RORA: variants seen among roughly 807,000 people sequenced by gnomAD.
The protein encoded by RORA is nuclear receptor ROR-alpha.
RORA carries 7 observed loss-of-function variants against 69.5 expected under a neutral mutation model. That is an observed-to-expected ratio of 0.10 (90% CI 0.06 to 0.19). The LOEUF is 0.19. Ranked by LOEUF, RORA falls within the 10% of genes least tolerant of loss-of-function variation. RORA has a pLI of 1.00. For synonymous variants in RORA, 261 were observed against 240.8 expected (o/e 1.08, Z -0.78); for missense variants, 457 against 663.0 (o/e 0.69, Z 3.41).
chr15:60,600,692 A>G (rs912590699), intron 2 of RORA, among the ~76,000 whole-genome samples: 1 of 152,190 alleles, frequency 6.6e-6, no homozygotes, highest in Non-Finnish European at 1.5e-5. Context: ...ATTTTGTAAG[A>G]TGGAGGTAGA....
At chr15:61,112,586 C>T (rs1401838854) in intron 1 of RORA, among the ~76,000 whole-genome samples, 1 of 152,182 alleles carries the variant, frequency 6.6e-6, no homozygotes, top group Non-Finnish European at 1.5e-5. Flanking sequence ...GCGTATTTAA[C>T]GCTCTGTGAA....
At chr15:60,746,175 A>G (rs2071645829) in intron 1 of RORA, among the ~76,000 whole-genome samples, 1 of 152,230 alleles carries the variant, frequency 6.6e-6, no homozygotes, top group African/African-American at 2.4e-5. Context: ...TTAAAATCCA[A>G]AAGTCAGAGT....
chr15:60,877,815 T>C (rs1449233659), intron 1 of RORA, among the ~76,000 whole-genome samples: 2 of 152,208 alleles, frequency 1.3e-5, no homozygotes, highest in African/African-American at 2.4e-5. Context: ...TATGGAATTA[T>C]GTCTGAATAT....
At chr15:60,976,266 G>A (rs1353709757) in intron 1 of RORA, among the ~76,000 whole-genome samples, 2 of 152,180 alleles carry the variant, frequency 1.3e-5, no homozygotes, top group African/African-American at 4.8e-5. Flanking sequence ...GACTCAATGC[G>A]TGTAACCCTT....
At chr15:60,753,623 C>T (rs531308237) in intron 1 of RORA, among the ~76,000 whole-genome samples, 4 of 152,316 alleles carry the variant, frequency 2.6e-5, no homozygotes, top group Admixed American at 1.3e-4. Flanking sequence ...AATAACACTA[C>T]GCCAAATCAC....
In RORA at chr15:60,714,556, G is replaced by A. The variant is rs149275161; in HGVS notation, c.167-35870C>T. Among the ~76,000 whole-genome samples, 640 of 150,866 alleles carry A rather than the reference G, an allele frequency of 4.2e-3. 3 individuals carry two copies. Among genetic ancestry groups the A allele is most frequent in the African/African-American group, 0.015 (625 of 41,022 alleles). ...ATTTTTGTATTTTTAGTAGAGATGG[G>A]GTTTCACCATATTGGCCAGGCTGGT... On this transcript the variant is annotated intron_variant, in intron 1 of 10. Transcript: ENST00000335670.
intron 1 of RORA, among the ~76,000 whole-genome samples, chr15:60,950,982 A>G (rs1198686645): frequency 6.6e-6 from 1 of 150,844 alleles, no homozygotes; most frequent in Non-Finnish European, 1.5e-5. Flanking sequence ...TCAACAGAAT[A>G]TACATTTTTT....
At chr15:60,684,789 A>G (rs2070714634) in intron 1 of RORA, among the ~76,000 whole-genome samples, 1 of 152,180 alleles carries the variant, frequency 6.6e-6, no homozygotes, top group Non-Finnish European at 1.5e-5. Flanking sequence ...AGGCTTGCAC[A>G]TTGACTCCTC....
chr15:61,099,549 T>C (rs1026346978), intron 1 of RORA, among the ~76,000 whole-genome samples: 1 of 152,236 alleles, frequency 6.6e-6, no homozygotes. Flanking sequence ...ATTAGACTGC[T>C]GACCAGACAC....
chr15:60,747,222 G>A (rs1241309569), intron 1 of RORA, among the ~76,000 whole-genome samples: 2 of 152,166 alleles, frequency 1.3e-5, no homozygotes, highest in African/African-American at 4.8e-5. Context: ...ATCCTTAAGG[G>A]AGAGTTCAAA....
intron 1 of RORA, among the ~76,000 whole-genome samples, chr15:61,133,621 A>C (rs988737782): frequency 6.6e-6 from 1 of 152,200 alleles, no homozygotes; most frequent in African/African-American, 2.4e-5. Flanking sequence ...CCAGACAGAC[A>C]AAAGTTTTGT....
In RORA at chr15:60,595,585, A is replaced by G. The variant is rs541355474; in HGVS notation, c.197-63734T>C. ...AAAATGCAATAAATATGTAGGAATAATCGTTTGGATTTTATTAAATAAATG... is the reference window on the plus strand; with the variant it reads ...AAAATGCAATAAATATGTAGGAATAGTCGTTTGGATTTTATTAAATAAATG... On this transcript the variant is annotated intron_variant, in intron 2 of 10. Coordinates refer to ENST00000335670, the MANE Select transcript of RORA (RefSeq NM_134261.3). Among the ~76,000 whole-genome samples, 14 of 152,202 alleles carry G rather than the reference A, an allele frequency of 9.2e-5. No individual in the cohort carries two copies. In the East Asian group the frequency reaches 2.7e-3, roughly 29 times the overall value.
chr15:60,851,614 C>G (rs1201607491), intron 1 of RORA, among the ~76,000 whole-genome samples: 1 of 152,144 alleles, frequency 6.6e-6, no homozygotes, highest in African/African-American at 2.4e-5. Context: ...AACCTTGGCA[C>G]TTGCTTCCTT....
chr15:61,154,202 T>C (rs909872287), intron 1 of RORA, among the ~76,000 whole-genome samples: 13 of 152,032 alleles, frequency 8.6e-5, no homozygotes, highest in African/African-American at 2.7e-4. Flanking sequence ...CTCTTTGGGG[T>C]CTTTGACTGA....
intron 1 of RORA, among the ~76,000 whole-genome samples, chr15:60,993,689 T>C (rs995506167): frequency 1.3e-5 from 2 of 150,454 alleles, no homozygotes; most frequent in African/African-American, 2.4e-5. Flanking sequence ...ACCTTAAATG[T>C]TGTAGATACA....
rs1028482874 is a variant in RORA at position 61,095,022 on chromosome 15, A to G, written c.166+134031T>C. ...CAACCTGGTTTCTTCAGTGTTCAGG[A>G]CAGTGCCTGGAATATCATGGGGACT... On this transcript the variant is annotated intron_variant, in intron 1 of 10. Coordinates refer to ENST00000335670, the MANE Select transcript of RORA (RefSeq NM_134261.3). Among the ~76,000 whole-genome samples the G allele has an allele frequency of 2.0e-5, 3 of 152,230 alleles. No individual in the cohort carries two copies. The East Asian group carries it at 5.8e-4, about 29-fold the overall frequency.
Position 60,511,130 on chromosome 15 carries a change from T to C in RORA, c.820+96A>G, listed in dbSNP as rs971168048. On this transcript the variant is annotated intron_variant, in intron 5 of 10. Coordinates refer to ENST00000335670, the MANE Select transcript of RORA (RefSeq NM_134261.3). The surrounding 1 kb of genome is among the most constrained non-coding windows in gnomAD (Gnocchi z 6.4). ...GCCCAAATGGTAAAGGTGAATTGCA[T>C]CATTTAGCAGAACTCATTAGAGGAA... 7.5e-7 allele frequency: 1 copy of C among 1,335,556 alleles called. No homozygotes were observed. The highest frequency in any genetic ancestry group is 1.0e-6 in the Non-Finnish European group (1 of 973,756). 82.7% of individuals were successfully genotyped at this position (1,335,556 alleles called of 1,614,324 possible).
chr15:60,622,663 A>G (rs555904157), intron 2 of RORA, among the ~76,000 whole-genome samples: 1 of 152,300 alleles, frequency 6.6e-6, no homozygotes, highest in East Asian at 1.9e-4. Flanking sequence ...CAAGATACCA[A>G]TGCCTTTTAT....
At chr15:60,695,716 G>A (rs1043304000) in intron 1 of RORA, among the ~76,000 whole-genome samples, 6 of 152,172 alleles carry the variant, frequency 3.9e-5, no homozygotes, top group Admixed American at 6.5e-5. Flanking sequence ...CATTTTTCAT[G>A]ATTCCTGCCT....
Sources: allele counts gnomAD v4.1 joint callset (sites outside exome capture counted in the v4.1 genomes callset), GRCh38; gene constraint gnomAD v4.1.1; non-coding constraint Gnocchi (gnomAD v3.1); transcripts MANE v1.5; gene names NCBI Gene and HGNC (gene_info 2026-07-23, HGNC 2026-07-21).